FRY: variants seen among roughly 807,000 people sequenced by gnomAD.
FRY encodes the protein FRY microtubule binding protein.
Under a neutral mutation model 348.4 loss-of-function variants are expected in FRY, and 128 were observed. The observed-to-expected ratio is 0.37, with a 90% CI of 0.32 to 0.43. FRY has a LOEUF of 0.43. FRY is among the 20% of genes least tolerant of loss of function. The pLI, the probability that FRY is intolerant of heterozygous loss-of-function variation, is 1.00. For synonymous variants in FRY, 1,370 were observed against 1,374.7 expected (o/e 1.00, Z 0.08); for missense variants, 2,736 against 3,695.2 (o/e 0.74, Z 6.73).
In FRY at chr13:32,155,479, T is replaced by C. The variant is rs748146263; in HGVS notation, c.1480-12T>C. On this transcript the variant is annotated splice_polypyrimidine_tract_variant and intron_variant, in intron 14 of 60. Transcript: ENST00000542859. ...GCCTTTCCTTTTGTCATGACAATATTGTCTCTTACAGAGAATGAACATTGG... is the reference window on the plus strand; with the variant it reads ...GCCTTTCCTTTTGTCATGACAATATCGTCTCTTACAGAGAATGAACATTGG... 7.2e-5 allele frequency: 116 copies of C among 1,602,464 alleles called. 1 individual carries two copies. The highest frequency in any genetic ancestry group is 9.4e-5 in the Non-Finnish European group (110 of 1,169,562).
chr13:32,100,326 G>A (rs934751792), intron 2 of FRY, among the ~76,000 whole-genome samples: 31 of 151,782 alleles, frequency 2.0e-4, no homozygotes, highest in African/African-American at 7.5e-4. Flanking sequence ...TGTTCTGCCC[G>A]CCTCGGCCTC....
intron 21 of FRY, 144 bp from the exon 22 acceptor site, chr13:32,178,700 A>C (rs952074405): frequency 1.1e-5 from 8 of 702,392 alleles, no homozygotes; most frequent in Admixed American, 9.8e-5. Flanking sequence ...TTGACTTTTC[A>C]TCCAATGCAG....
At position 32,244,329 on chromosome 13, in the gene FRY, G is replaced by A; in HGVS notation, c.6828+147G>A. The stretch of plus-strand genomic sequence containing the variant: ...GCACAGCCAGGGCAGTTAAGAGTGG[G>A]AGTTGGCCACACCCTGAGTAGTATT... On this transcript the variant is annotated intron_variant, in intron 47 of 60. Transcript: ENST00000542859. The A allele has an allele frequency of 5.3e-6, 4 of 750,562 alleles. No individual in the cohort carries two copies. In the South Asian group the frequency reaches 5.7e-5, roughly 11 times the overall value. 46.5% of individuals were successfully genotyped at this position (750,562 alleles called of 1,614,324 possible). A position where few individuals can be genotyped will look rare whatever the true frequency, so the allele number is the denominator to read the frequency against.
At chr13:32,154,982 A>T (rs1047529401) in intron 14 of FRY, among the ~76,000 whole-genome samples, 16 of 152,202 alleles carry the variant, frequency 1.1e-4, no homozygotes, top group Admixed American at 2.0e-4. Context: ...TTGAATTTTT[A>T]AAATTTCTTC....
intron 3 of FRY, among the ~76,000 whole-genome samples, chr13:32,114,022 A>G (rs995943844): frequency 6.6e-5 from 10 of 152,180 alleles, no homozygotes; most frequent in African/African-American, 2.4e-4. Context: ...TTATAGATGA[A>G]GTCTGATGAA....
intron 1 of FRY, among the ~76,000 whole-genome samples, chr13:32,073,796 T>A (rs1874827830): frequency 6.6e-6 from 1 of 152,236 alleles, no homozygotes; most frequent in Non-Finnish European, 1.5e-5. Context: ...AGAAAACCAG[T>A]TGCTTTCCTG....
intron 44 of FRY, among the ~76,000 whole-genome samples, chr13:32,238,657 G>A (rs1310141537): frequency 3.3e-5 from 5 of 151,942 alleles, no homozygotes; most frequent in Admixed American, 6.6e-5. Flanking sequence ...TCACCATGTC[G>A]GCCAGGATGG....
At chr13:32,179,069 G>T in intron 22 of FRY, 36 bp downstream of exon 22, 1 of 1,563,700 alleles carries the variant, frequency 6.4e-7, no homozygotes, top group Non-Finnish European at 8.8e-7. Flanking sequence ...TATTCTGTAA[G>T]GTTTTTTTTT....
intron 3 of FRY, among the ~76,000 whole-genome samples, chr13:32,107,477 C>A (rs1474128235): frequency 6.6e-6 from 1 of 152,144 alleles, no homozygotes; most frequent in Non-Finnish European, 1.5e-5. Flanking sequence ...CATTGGAGAA[C>A]TAGGAATTTG....
intron 2 of FRY, among the ~76,000 whole-genome samples, chr13:32,092,918 G>A (rs1438863610): frequency 5.9e-5 from 9 of 152,138 alleles, no homozygotes; most frequent in African/African-American, 1.4e-4. Context: ...CTTTAAAAAC[G>A]AGACATTGTA....
intron 2 of FRY, among the ~76,000 whole-genome samples, chr13:32,092,822 T>C (rs1876412915): frequency 6.6e-6 from 1 of 152,140 alleles, no homozygotes; most frequent in South Asian, 2.1e-4. Context: ...AAATGAACAG[T>C]GGTCCGTTTT....
intron 7 of FRY, 110 bp downstream of exon 7, chr13:32,124,985 C>G: frequency 1.3e-6 from 1 of 797,236 alleles, no homozygotes; most frequent in Non-Finnish European, 2.2e-6. Flanking sequence ...AGGTAGGGCT[C>G]TTTGCCATGT....
At chr13:32,214,645 T>C (rs1363167646) in intron 35 of FRY, among the ~76,000 whole-genome samples, 1 of 152,166 alleles carries the variant, frequency 6.6e-6, no homozygotes, top group Non-Finnish European at 1.5e-5. Flanking sequence ...ATAGGAGAAA[T>C]GTCATATCCC....
chr13:32,187,705 C>T (rs1481129313), intron 28 of FRY, 49 bp downstream of exon 28: 1 of 1,023,886 alleles, frequency 9.8e-7, no homozygotes, highest in South Asian at 1.3e-5. Context: ...CTGTGTTCTG[C>T]CTCAGTTGAG....
intron 20 of FRY, among the ~76,000 whole-genome samples, chr13:32,177,428 A>C (rs1186008110): frequency 6.6e-6 from 1 of 151,174 alleles, no homozygotes; most frequent in African/African-American, 2.5e-5. Flanking sequence ...TGTTTCTTCT[A>C]AAAAATAATA....
rs772018689 is a variant in FRY at position 32,201,989 on chromosome 13, G to A, written c.3795G>A (p.Lys1265=). The change falls in exon 30 of 61, where the codon AAG becomes AAA. Residue 1265 remains lysine (K), a synonymous_variant. Transcript: ENST00000542859. ...CATTGTTAAACCTTGTTCTATTCAA[G>A]GCCTCTGACACCAACAGAGAGATTT... The part of the protein sequence containing the change: ...IVTLLNLVLF[K]ASDTNREIYE... 3 of 1,608,056 alleles carry A rather than the reference G, an allele frequency of 1.9e-6. No individual in the cohort carries two copies. Among genetic ancestry groups the A allele is most frequent in the Non-Finnish European group, 2.6e-6 (3 of 1,174,636 alleles).
chr13:32,040,679 A>G (rs1314036172), intron 1 of FRY, among the ~76,000 whole-genome samples: 1 of 152,230 alleles, frequency 6.6e-6, no homozygotes, highest in African/African-American at 2.4e-5. Flanking sequence ...AAATCACTGT[A>G]TATCTAACTC....
chr13:32,135,537 C>G (rs1879661115), intron 10 of FRY, among the ~76,000 whole-genome samples: 1 of 152,152 alleles, frequency 6.6e-6, no homozygotes, highest in Admixed American at 6.5e-5. Context: ...TCCCCAGGAG[C>G]CTGCCCTGGC....
intron 7 of FRY, among the ~76,000 whole-genome samples, chr13:32,129,360 G>A (rs1251027291): frequency 6.6e-6 from 1 of 152,228 alleles, no homozygotes; most frequent in Non-Finnish European, 1.5e-5. Context: ...GGTAGGACCA[G>A]AGAATGTGCT....
Sources: gnomAD v4.1 joint callset for allele counts (sites outside exome capture counted in the v4.1 genomes callset) on GRCh38, gnomAD v4.1.1 for gene constraint, MANE v1.5 for transcripts, NCBI Gene and HGNC (gene_info 2026-07-23, HGNC 2026-07-21) for gene names.